The following MYOCD variants were observed in gnomAD, a reference collection of about 807,000 sequenced individuals.
MYOCD encodes myocardin.
In MYOCD, 32 loss-of-function variants were observed where a neutral mutation model predicts 96.1. The ratio of observed to expected loss-of-function variants is 0.33; its 90% CI spans 0.25 to 0.45. MYOCD has a LOEUF of 0.45. Among genes scored for constraint, MYOCD ranks in the 20% least tolerant of loss-of-function variants. MYOCD has a pLI of 1.00. For missense variants in MYOCD, 1,133 were observed against 1,200.6 expected (o/e 0.94, Z 0.83); for synonymous variants, 469 against 469.0 (o/e 1.00, Z 0.00).
chr17:12,710,541 A>C, intron 2 of MYOCD: 4 of 983,902 alleles, frequency 4.1e-6, no homozygotes, highest in Non-Finnish European at 4.8e-6. Context: ...AAACCTTGGT[A>C]AATCCCTGAA....
At chr17:12,739,572 G>A (rs1237744114) in intron 7 of MYOCD, among the ~76,000 whole-genome samples, 1 of 152,228 alleles carries the variant, frequency 6.6e-6, no homozygotes, top group Non-Finnish European at 1.5e-5. Flanking sequence ...TGGAATCACA[G>A]TCCAGCCAGC....
chr17:12,715,106 C>T (rs2031598411), intron 2 of MYOCD, among the ~76,000 whole-genome samples: 1 of 152,128 alleles, frequency 6.6e-6, no homozygotes, highest in South Asian at 2.1e-4. Context: ...AGACACAGAC[C>T]ACAGTCATCC....
At chr17:12,694,062 A>G (rs1463117692) in intron 1 of MYOCD, among the ~76,000 whole-genome samples, 1 of 152,214 alleles carries the variant, frequency 6.6e-6, no homozygotes, top group Non-Finnish European at 1.5e-5. Flanking sequence ...AGAAAACTCC[A>G]GGAATACCTG....
intron 4 of MYOCD, among the ~76,000 whole-genome samples, chr17:12,721,722 A>C (rs575387822): frequency 6.6e-6 from 1 of 152,310 alleles, no homozygotes; most frequent in Non-Finnish European, 1.5e-5. Flanking sequence ...GAGGCACCAG[A>C]GGAAAAGAGG....
intron 1 of MYOCD, among the ~76,000 whole-genome samples, chr17:12,702,558 G>T (rs1019506247): frequency 1.3e-5 from 2 of 151,836 alleles, no homozygotes; most frequent in African/African-American, 4.8e-5. Context: ...TATTGGCATG[G>T]TTGGATTTGG....
At chr17:12,734,947 C>T (rs746167825) in intron 5 of MYOCD, among the ~76,000 whole-genome samples, 8 of 152,218 alleles carry the variant, frequency 5.3e-5, no homozygotes, top group Non-Finnish European at 1.0e-4. Flanking sequence ...GTTAGTGGGC[C>T]GCCCCATGGG....
At chr17:12,741,583 C>T (rs935003337) in intron 7 of MYOCD, among the ~76,000 whole-genome samples, 5 of 151,974 alleles carry the variant, frequency 3.3e-5, no homozygotes, top group African/African-American at 4.8e-5. Context: ...GTGGCGTGTG[C>T]CTGTAATCCC....
intron 3 of MYOCD, among the ~76,000 whole-genome samples, chr17:12,716,332 A>G (rs1406308756): frequency 2.0e-5 from 3 of 150,410 alleles, no homozygotes; most frequent in Non-Finnish European, 4.5e-5. Context: ...GCAGACTCTT[A>G]TCAGAACTGG....
chr17:12,688,658 A>C (rs1407998476), intron 1 of MYOCD, among the ~76,000 whole-genome samples: 3 of 119,364 alleles, frequency 2.5e-5, no homozygotes, highest in African/African-American at 3.3e-5. Context: ...TCTTCCTTCC[A>C]TCCCCTTCAT....
intron 2 of MYOCD, among the ~76,000 whole-genome samples, chr17:12,711,952 C>T (rs2031493664): frequency 7.1e-6 from 1 of 141,306 alleles, no homozygotes; most frequent in East Asian, 2.1e-4. Flanking sequence ...GAGACAGAGT[C>T]TCACTCTGTC....
In MYOCD at chr17:12,739,092, G is replaced by A. The variant is rs2032430560; in HGVS notation, c.592-111G>A. 3 of 1,250,658 alleles carry A rather than the reference G, an allele frequency of 2.4e-6. No homozygotes were observed. The East Asian group carries it at 7.2e-5, about 30-fold the overall frequency. 77.5% of individuals were successfully genotyped at this position (1,250,658 alleles called of 1,614,324 possible). A position where few individuals can be genotyped will look rare whatever the true frequency, so the allele number is the denominator to read the frequency against. On this transcript the variant is annotated intron_variant, in intron 6 of 13. Transcript: ENST00000425538. ...TGAGGGAGTAGGCTGATATTTACTT[G>A]GGTGAGAAGCTAGGATGAAAGCAGC...
rs369225309 is a variant in MYOCD at position 12,756,429 on chromosome 17, G to A, written c.2074G>A (p.Asp692Asn). The A allele has an allele frequency of 8.9e-4, 1,375 of 1,552,098 alleles. 21 individuals are homozygous for A. The South Asian group carries it at 0.012, about 14-fold the overall frequency. Residue 692 changes from aspartate (D) to asparagine (N), a missense_variant, in exon 11 of 14, where the codon GAT (aspartate) becomes AAT (asparagine). By Grantham distance (23) the Asp-to-Asn change is conservative. Coordinates refer to ENST00000425538, the MANE Select transcript of MYOCD (RefSeq NM_001146312.3). ...VCTAQNSGAH[D>N]GHPPSFSPHS... is the part of the protein sequence containing the mutation. Reference sequence around the variant, plus strand: ...TCCTTTGCAGAACTCAGGAGCACACGATGGCCATCCTCCAAGCTTCTCTCC... The same window carrying A: ...TCCTTTGCAGAACTCAGGAGCACACAATGGCCATCCTCCAAGCTTCTCTCC...
chr17:12,730,713 C>A (rs1359812878), intron 5 of MYOCD, among the ~76,000 whole-genome samples: 1 of 152,138 alleles, frequency 6.6e-6, no homozygotes, highest in Non-Finnish European at 1.5e-5. Context: ...CCTTAGGACA[C>A]AAATTTTGCT....
At chr17:12,679,769 G>A (rs1910338080) in intron 1 of MYOCD, among the ~76,000 whole-genome samples, 1 of 152,180 alleles carries the variant, frequency 6.6e-6, no homozygotes, top group African/African-American at 2.4e-5. Context: ...AGAGGATCAT[G>A]AGATGCAAAG....
chr17:12,699,868 C>A (rs1352181954), intron 1 of MYOCD, among the ~76,000 whole-genome samples: 1 of 148,928 alleles, frequency 6.7e-6, no homozygotes, highest in Non-Finnish European at 1.5e-5. Context: ...CTAACAACCT[C>A]TTGAAAGATA....
chr17:12,713,905 G>T (rs1403250316), intron 2 of MYOCD, among the ~76,000 whole-genome samples: 1 of 152,148 alleles, frequency 6.6e-6, no homozygotes, highest in Admixed American at 6.5e-5. Context: ...AAAAAGGGAG[G>T]TTTTGCAGAG....
In MYOCD at chr17:12,732,073, GT is replaced by G. The variant is rs1261907913; in HGVS notation, c.416-4087del. Among the ~76,000 whole-genome samples the G allele has an allele frequency of 9.2e-5, 14 of 152,308 alleles. No homozygotes were observed. The East Asian group carries it at 2.7e-3, about 29-fold the overall frequency. ...TCAGTATGTTCTAACTTGGCACATT[GT>G]GCTTTTTAGATACCGGAGAGGAGTC... On this transcript the variant is annotated intron_variant, in intron 5 of 13. Coordinates refer to ENST00000425538, the MANE Select transcript of MYOCD (RefSeq NM_001146312.3).
chr17:12,708,463 G>A (rs1389902980), intron 2 of MYOCD, among the ~76,000 whole-genome samples: 1 of 151,422 alleles, frequency 6.6e-6, no homozygotes, highest in African/African-American at 2.4e-5. Flanking sequence ...GCGTGATCTC[G>A]GCTCACTGCA....
At chr17:12,739,150 G>C in intron 6 of MYOCD, 53 bp from the exon 7 acceptor site, 2 of 1,555,332 alleles carry the variant, frequency 1.3e-6, no homozygotes, top group Non-Finnish European at 8.7e-7. Flanking sequence ...ACATTTCTGT[G>C]TCACACAACT....
Sources: allele counts gnomAD v4.1 joint callset (sites outside exome capture counted in the v4.1 genomes callset), GRCh38; gene constraint gnomAD v4.1.1; transcripts MANE v1.5; gene names NCBI Gene and HGNC (gene_info 2026-07-23, HGNC 2026-07-21).